The following SCUBE1 variants were observed in gnomAD, a reference collection of about 807,000 sequenced individuals.
SCUBE1 encodes the protein signal peptide, CUB and EGF-like domain-containing protein 1.
A neutral mutation model predicts 124.4 loss-of-function variants in SCUBE1; 59 were observed. The observed-to-expected ratio is 0.47, with a 90% CI of 0.38 to 0.59. The LOEUF (loss-of-function observed/expected upper bound fraction) is 0.59, where lower values mean the gene tolerates loss of function less well. SCUBE1 is among the 20% of genes least tolerant of loss of function. SCUBE1 has a pLI of 0.00. For synonymous variants in SCUBE1, 545 were observed against 550.9 expected (o/e 0.99, Z 0.15); for missense variants, 1,150 against 1,371.2 (o/e 0.84, Z 2.55).
At chr22:43,281,365 T>C (rs1378403324) in intron 4 of SCUBE1, among the ~76,000 whole-genome samples, 1 of 38,656 alleles carries the variant, frequency 2.6e-5, no homozygotes, top group Admixed American at 2.0e-4. Flanking sequence ...TCACCTCCCT[T>C]GGCCACCCTT....
chr22:43,335,467 C>T (rs570591584), intron 2 of SCUBE1, among the ~76,000 whole-genome samples: 19 of 152,330 alleles, frequency 1.2e-4, no homozygotes, highest in Admixed American at 6.5e-4. Context: ...CATAACCAAA[C>T]GATGTCCTCC....
intron 4 of SCUBE1, among the ~76,000 whole-genome samples, chr22:43,266,190 C>T (rs1924058082): frequency 1.3e-5 from 2 of 152,118 alleles, no homozygotes; most frequent in African/African-American, 2.4e-5. Context: ...CCCTGAGATG[C>T]CCCAGTCAGG....
intron 6 of SCUBE1, among the ~76,000 whole-genome samples, chr22:43,253,061 G>C (rs1363759593): frequency 6.8e-6 from 1 of 146,190 alleles, no homozygotes; most frequent in African/African-American, 2.7e-5. Context: ...TGTGGGGGCA[G>C]GATGGGAACG....
intron 16 of SCUBE1, 56 bp downstream of exon 16, chr22:43,214,034 A>AGGCGGGGGGGGGGGGGGGGGGGG: frequency 1.0e-6 from 1 of 995,764 alleles, no homozygotes; most frequent in Non-Finnish European, 1.4e-6. Flanking sequence ...CATCAGAGAC[A>AGGCGGGGGGGGGGGGGGGGGGGG]GGAGGAGCCC....
intron 3 of SCUBE1, among the ~76,000 whole-genome samples, chr22:43,317,601 C>T (rs1926396739): frequency 6.6e-6 from 1 of 152,230 alleles, no homozygotes; most frequent in Non-Finnish European, 1.5e-5. Context: ...CCCTGGGCTC[C>T]AGTTGCTGTG....
At chr22:43,207,677 C>T in intron 20 of SCUBE1, 64 bp from the exon 21 acceptor site, 2 of 1,249,832 alleles carry the variant, frequency 1.6e-6, no homozygotes, top group Non-Finnish European at 2.3e-6. Flanking sequence ...GCTCCCCTTT[C>T]ACCTCCAGCC....
rs1316274613 is a variant in SCUBE1, at chr22:43,210,283, G to GCAGGGGCCCTGGCCGGC, written c.2384-60_2384-44dup. The GCAGGGGCCCTGGCCGGC allele has an allele frequency of 5.0e-5, 74 of 1,466,356 alleles. No homozygotes were observed. In the African/African-American group the frequency reaches 1.0e-3, roughly 21 times the overall value. The allele number at this position is 1,466,356 out of a possible 1,614,324, so 90.8% of individuals were successfully genotyped here. On this transcript the variant is annotated intron_variant, in intron 18 of 21. Coordinates refer to ENST00000360835, the MANE Select transcript of SCUBE1 (RefSeq NM_173050.5). The surrounding 1 kb of genome is among the most constrained non-coding windows in gnomAD (Gnocchi z 4.5). The stretch of plus-strand genomic sequence containing the variant: ...CGAGGGCCTCATCAGGCTCTGCTGG[G>GCAGGGGCCCTGGCCGGC]CAGGGGCCCTGGCCGGCCAGGCCTC...
intron 6 of SCUBE1, among the ~76,000 whole-genome samples, chr22:43,253,646 A>G (rs959642818): frequency 6.6e-6 from 1 of 151,668 alleles, no homozygotes; most frequent in Non-Finnish European, 1.5e-5. Flanking sequence ...TCCTGACCCC[A>G]CTCCGGGGTC....
intron 21 of SCUBE1, among the ~76,000 whole-genome samples, chr22:43,204,812 C>T (rs186534721): frequency 1.3e-3 from 190 of 151,902 alleles, no homozygotes; most frequent in African/African-American, 4.4e-3. Context: ...GGCGTGGTGG[C>T]GCATGCCTGT....
Position 43,292,451 on chromosome 22 carries a change from T to C in SCUBE1, c.350-1271A>G, listed in dbSNP as rs1474549934. 2.0e-5 allele frequency among the ~76,000 whole-genome samples: 3 copies of C among 152,118 alleles called. No homozygotes were observed. The East Asian group carries it at 5.8e-4, about 29-fold the overall frequency. On this transcript the variant is annotated intron_variant, in intron 3 of 21. Coordinates refer to ENST00000360835, the MANE Select transcript of SCUBE1 (RefSeq NM_173050.5). ...TTTGTTTAATGAAAGAAGGGCTTCT[T>C]AAACCTTAATGTTCCATGTCTGTAT...
chr22:43,333,386 T>C (rs976884517), intron 2 of SCUBE1, among the ~76,000 whole-genome samples: 8 of 152,320 alleles, frequency 5.3e-5, no homozygotes, highest in Admixed American at 4.6e-4. Flanking sequence ...TGTCTCCACA[T>C]GTGGAGGCTA....
intron 8 of SCUBE1, among the ~76,000 whole-genome samples, chr22:43,230,806 T>C (rs758262121): frequency 1.3e-5 from 2 of 152,110 alleles, no homozygotes; most frequent in Non-Finnish European, 2.9e-5. Flanking sequence ...GCCTCCTGCT[T>C]TTACATTCCT....
At chr22:43,233,093 G>C (rs894744378) in intron 7 of SCUBE1, among the ~76,000 whole-genome samples, 3 of 152,234 alleles carry the variant, frequency 2.0e-5, no homozygotes, top group Non-Finnish European at 2.9e-5. Flanking sequence ...GGCCGGGCAC[G>C]GTGGCTCATG....
At chr22:43,237,987 A>C (rs1350275358) in intron 7 of SCUBE1, 3 of 152,516 alleles carry the variant, frequency 2.0e-5, no homozygotes, top group African/African-American at 7.2e-5. Context: ...CCCAGGGCCC[A>C]CAGCTTCTTG....
intron 2 of SCUBE1, among the ~76,000 whole-genome samples, chr22:43,335,697 C>T (rs1158389904): frequency 6.6e-6 from 1 of 151,758 alleles, no homozygotes; most frequent in Non-Finnish European, 1.5e-5. Flanking sequence ...CATTCATAGT[C>T]TCATTTGAGC....
chr22:43,262,187 G>T (rs1390083661), intron 5 of SCUBE1, among the ~76,000 whole-genome samples: 2 of 152,174 alleles, frequency 1.3e-5, no homozygotes, highest in Non-Finnish European at 2.9e-5. Context: ...TTAGAGATGG[G>T]GTCTTGCTGT....
intron 2 of SCUBE1, among the ~76,000 whole-genome samples, chr22:43,334,050 C>T (rs1291007205): frequency 6.6e-6 from 1 of 152,210 alleles, no homozygotes; most frequent in Non-Finnish European, 1.5e-5. Context: ...ATCTGCAGGA[C>T]AGGGGGCTCA....
rs531162219 is a variant in SCUBE1, at chr22:43,251,126, C to T, written c.727+7093G>A. On this transcript the variant is annotated intron_variant, in intron 6 of 21. Coordinates refer to ENST00000360835, the MANE Select transcript of SCUBE1 (RefSeq NM_173050.5). ...GAGGGGTTGAGCAGTACTGGTGAGGCGAGAGAGCCGGGGCAGAGGGAATGG... is the reference window on the plus strand; with the variant it reads ...GAGGGGTTGAGCAGTACTGGTGAGGTGAGAGAGCCGGGGCAGAGGGAATGG... Among the ~76,000 whole-genome samples, 5 of 152,190 alleles carry T rather than the reference C, an allele frequency of 3.3e-5. No individual in the cohort carries two copies. In the South Asian group the frequency reaches 6.2e-4, roughly 19 times the overall value.
intron 6 of SCUBE1, among the ~76,000 whole-genome samples, chr22:43,250,202 G>A (rs893388741): frequency 7.2e-5 from 11 of 152,366 alleles, no homozygotes; most frequent in Middle Eastern, 3.4e-3. Flanking sequence ...CTCCATGACC[G>A]AAGCTTTTCC....
Sources: gnomAD v4.1 joint callset for allele counts (sites outside exome capture counted in the v4.1 genomes callset) on GRCh38, gnomAD v4.1.1 for gene constraint, Gnocchi (gnomAD v3.1) non-coding constraint, MANE v1.5 for transcripts, NCBI Gene and HGNC (gene_info 2026-07-23, HGNC 2026-07-21) for gene names.